Variants in ZNF585B observed in about 807,000 individuals in gnomAD.
The protein encoded by ZNF585B is zinc finger protein 585B.
Under a neutral mutation model 14.0 loss-of-function variants are expected in ZNF585B, and 7 were observed. The ratio of observed to expected loss-of-function variants is 0.50; its 90% CI spans 0.28 to 0.94. The LOEUF is 0.94. Among genes scored for constraint, ZNF585B ranks in the 40% least tolerant of loss-of-function variants. The pLI is 0.09. For missense variants in ZNF585B, 750 were observed against 924.4 expected (o/e 0.81, Z 2.45); for synonymous variants, 290 against 317.3 (o/e 0.91, Z 0.91).
Position 37,184,343 on chromosome 19 carries a change from ACT to A in ZNF585B, c.*882_*883del, listed in dbSNP as rs1324296831. 1.3e-5 allele frequency: 2 copies of A among 150,368 alleles called. No homozygotes were observed. Among genetic ancestry groups the A allele is most frequent in the African/African-American group, 5.0e-5 (2 of 39,892 alleles). 9.3% of individuals were successfully genotyped at this position (150,368 alleles called of 1,614,324 possible). On this transcript the variant is annotated 3_prime_UTR_variant, in exon 5 of 5. Transcript: ENST00000532828. ...ACTCTAGCTTGCCCGACAGAGCAAG[ACT>A]CTGTCTCAAAAAAAGAAAGAAAGAA...
rs528093602 is a variant in ZNF585B, at chr19:37,183,649, C to T, written c.*1578G>A. 6.6e-6 allele frequency: 1 copy of T among 152,242 alleles called. No homozygotes were observed. Among genetic ancestry groups the T allele is most frequent in the East Asian group, 1.9e-4 (1 of 5,158 alleles). The allele number at this position is 152,242 out of a possible 1,614,324, so 9.4% of individuals were successfully genotyped here. A position where few individuals can be genotyped will look rare whatever the true frequency, so the allele number is the denominator to read the frequency against. ...GCCACAGATAAAATAAAGAATTGTG[C>T]TCTTTGCAACGGGCACTGCAAATAC... On this transcript the variant is annotated 3_prime_UTR_variant, in exon 5 of 5. Transcript: ENST00000532828.
intron 2 of ZNF585B, among the ~76,000 whole-genome samples, chr19:37,190,789 C>T (rs1343252496): frequency 1.3e-5 from 2 of 152,080 alleles, no homozygotes; most frequent in African/African-American, 4.8e-5. Flanking sequence ...TGGTCTCTAT[C>T]TCCTGACCTC....
intron 2 of ZNF585B, among the ~76,000 whole-genome samples, chr19:37,204,142 T>C (rs1339450675): frequency 6.6e-6 from 1 of 152,230 alleles, no homozygotes; most frequent in Non-Finnish European, 1.5e-5. Flanking sequence ...ATAATTTGTA[T>C]AATTCTTTGT....
Position 37,192,518 on chromosome 19 carries a change from A to AAT in ZNF585B, c.73-2369_73-2368insAT, listed in dbSNP as rs1555778875. Among the ~76,000 whole-genome samples, 24 of 151,166 alleles carry AAT rather than the reference A, an allele frequency of 1.6e-4. No homozygotes were observed. In the South Asian group the frequency reaches 2.1e-3, roughly 13 times the overall value. The stretch of plus-strand genomic sequence containing the variant: ...CGAGAACCTGTCTCAAAAAAAAAAA[A>AAT]AATAAAATAAGGCCGGGCGCAGTGG... On this transcript the variant is annotated intron_variant, in intron 2 of 4. Transcript: ENST00000532828.
intron 2 of ZNF585B, chr19:37,199,075 C>T (rs1049912060): frequency 1.8e-5 from 24 of 1,364,772 alleles, no homozygotes; most frequent in Non-Finnish European, 5.0e-6. Context: ...TATACATGTT[C>T]TAATTTTTCT....
intron 1 of ZNF585B, among the ~76,000 whole-genome samples, chr19:37,207,560 T>C (rs1972598573): frequency 6.6e-6 from 1 of 152,210 alleles, no homozygotes. Context: ...GGAAAAGCCA[T>C]GAAATTTAGA....
Position 37,186,415 on chromosome 19 carries a change from T to C in ZNF585B, c.1122A>G (p.Arg374=), listed in dbSNP as rs148092110. Residue 374 remains arginine (R), a synonymous_variant, in exon 5 of 5, where the codon AGA becomes AGG. Transcript: ENST00000532828. ...CATAAGGTTTCTCTCCAGTGTGAAT[T>C]CTCTGATGAATAATCAACTCTGACC... ...TYRSELIIHQ[R]IHTGEKPYEC... The C allele has an allele frequency of 1.3e-4, 215 of 1,614,162 alleles. No individual in the cohort carries two copies. The African/African-American group carries it at 2.7e-3, about 20-fold the overall frequency.
rs1610557 is a variant in ZNF585B at position 37,185,620 on chromosome 19, A to C, written c.1917T>G (p.Cys639Trp). The C allele has an allele frequency of 6.2e-7, 1 of 1,613,932 alleles. No individual in the cohort carries two copies. The highest frequency in any genetic ancestry group is 8.5e-7 in the Non-Finnish European group (1 of 1,179,944). ...TTGACCTGCCACTAAAGGCTTTCCC[A>C]CACTCGGCACACACATAGGGTTTCT... ...TGEKPYVCAE[C>W]GKAFSGRSNL... Residue 639 changes from cysteine (C) to tryptophan (W), a missense_variant, in exon 5 of 5, where the codon TGT becomes TGG. Around this residue, in one of 2 missense-constraint regions of ZNF585B, gnomAD observed 233 missense variants for 354.1 expected, o/e 0.66. Transcript: ENST00000532828.
Position 37,185,582 on chromosome 19 carries a change from T to A in ZNF585B, c.1955A>T (p.His652Leu). The change falls in exon 5 of 5, where the codon CAC becomes CTC. Residue 652 changes from histidine to leucine, a missense_variant. His to Leu is a moderately conservative substitution (Grantham distance 99). Around this residue, in one of 2 missense-constraint regions of ZNF585B, gnomAD observed 233 missense variants for 354.1 expected, o/e 0.66. Transcript: ENST00000532828. ...CTTTTCTCCGGTATGAGTTTTCTGG[T>A]GCTTACTGAGATTTGACCTGCCACT... Reference protein sequence around the residue: ...AFSGRSNLSKHQKTHTGEKPY... With the variant: ...AFSGRSNLSKLQKTHTGEKPY... The A allele has an allele frequency of 6.2e-7, 1 of 1,613,854 alleles. No individual in the cohort carries two copies. The highest frequency in any genetic ancestry group is 2.2e-5 in the East Asian group (1 of 44,866).
At chr19:37,194,690 G>A (rs1229598937) in intron 2 of ZNF585B, among the ~76,000 whole-genome samples, 1 of 152,038 alleles carries the variant, frequency 6.6e-6, no homozygotes, top group Non-Finnish European at 1.5e-5. Flanking sequence ...CAAAATACTA[G>A]ACAGGAAATC....
intron 4 of ZNF585B, among the ~76,000 whole-genome samples, chr19:37,189,122 G>C (rs1972372219): frequency 6.6e-6 from 1 of 151,944 alleles, no homozygotes; most frequent in African/African-American, 2.4e-5. Context: ...ATTTTTAGTA[G>C]AGATGGGGTT....
intron 2 of ZNF585B, among the ~76,000 whole-genome samples, chr19:37,204,699 C>T (rs779539832): frequency 4.0e-5 from 6 of 151,526 alleles, no homozygotes; most frequent in Non-Finnish European, 7.4e-5. Flanking sequence ...CTCAGCCTCC[C>T]GAGCAGGTGG....
At chr19:37,202,675 G>A (rs1972543415) in intron 2 of ZNF585B, among the ~76,000 whole-genome samples, 1 of 143,236 alleles carries the variant, frequency 7.0e-6, no homozygotes, top group Non-Finnish European at 1.5e-5. Context: ...GGAGTTTCGC[G>A]CTTGTTTTCC....
chr19:37,189,281 A>G (rs2145432863), intron 4 of ZNF585B, among the ~76,000 whole-genome samples: 1 of 152,298 alleles, frequency 6.6e-6, no homozygotes, highest in South Asian at 2.1e-4. Flanking sequence ...AAAGACAGAA[A>G]TAAAAGGGGT....
chr19:37,193,960 G>A (rs1019404929), intron 2 of ZNF585B, among the ~76,000 whole-genome samples: 4 of 152,152 alleles, frequency 2.6e-5, no homozygotes, highest in African/African-American at 9.7e-5. Flanking sequence ...TTTGTTGTAG[G>A]TGTGATATTG....
intron 2 of ZNF585B, among the ~76,000 whole-genome samples, chr19:37,206,095 A>G (rs928301402): frequency 1.3e-5 from 2 of 151,542 alleles, no homozygotes. Flanking sequence ...TAAATAAATA[A>G]ATAAATAATT....
Position 37,182,086 on chromosome 19 carries a change from G to A in ZNF585B, c.*3141C>T, listed in dbSNP as rs1972272946. The A allele has an allele frequency of 6.6e-6, 1 of 152,104 alleles. No individual in the cohort carries two copies. The highest frequency in any genetic ancestry group is 6.6e-5 in the Admixed American group (1 of 15,258). The allele number at this position is 152,104 out of a possible 1,614,324, so 9.4% of individuals were successfully genotyped here. A position where few individuals can be genotyped will look rare whatever the true frequency, so the allele number is the denominator to read the frequency against. On this transcript the variant is annotated 3_prime_UTR_variant, in exon 5 of 5. Transcript: ENST00000532828. ...TGGGGGAGGCTGTGTATATGTGAGG[G>A]TAGGGGATATATGGGAAATCTCTGT... is the stretch of plus-strand genomic sequence containing the variant.
intron 2 of ZNF585B, among the ~76,000 whole-genome samples, chr19:37,202,253 T>G (rs1371612186): frequency 6.6e-6 from 1 of 152,216 alleles, no homozygotes; most frequent in African/African-American, 2.4e-5. Context: ...TCCACCCTCC[T>G]TGGCCTACCA....
At chr19:37,209,442 T>C (rs530016581) in intron 1 of ZNF585B, among the ~76,000 whole-genome samples, 1 of 152,180 alleles carries the variant, frequency 6.6e-6, no homozygotes. Flanking sequence ...CCCAATAATA[T>C]AGTTTTAAAT....
Sources: allele counts gnomAD v4.1 joint callset (sites outside exome capture counted in the v4.1 genomes callset), GRCh38; gene constraint gnomAD v4.1.1; regional missense constraint gnomAD v4.1.1; transcripts MANE v1.5; gene names NCBI Gene and HGNC (gene_info 2026-07-23, HGNC 2026-07-21).